The following DOCK1 variants were observed in gnomAD, a reference collection of about 807,000 sequenced individuals.
DOCK1 encodes dedicator of cytokinesis 1.
A neutral mutation model predicts 262.7 loss-of-function variants in DOCK1; 138 were observed. The observed-to-expected ratio is 0.53, with a 90% confidence interval of 0.46 to 0.61. The LOEUF (loss-of-function observed/expected upper bound fraction) is 0.61. Ranked by LOEUF, DOCK1 falls within the 20% of genes least tolerant of loss-of-function variation. DOCK1 has a pLI of 0.00. For synonymous variants in DOCK1, 866 were observed against 867.4 expected, an observed-to-expected ratio of 1.00 and a Z score of 0.03; for missense variants, 1,908 against 2,370.7, an observed-to-expected ratio of 0.80 and a Z score of 4.05.
intron 27 of DOCK1, among the ~76,000 whole-genome samples, chr10:127,235,361 C>T (rs913296761): frequency 4.1e-3 from 2 of 488 alleles, no homozygotes; most frequent in Non-Finnish European, 0.059. Context: ...TTTTCTAGAA[C>T]GACATTAAAA....
intron 23 of DOCK1, among the ~76,000 whole-genome samples, chr10:127,081,495 C>A (rs2046896349): frequency 1.3e-5 from 2 of 151,910 alleles, no homozygotes; most frequent in Non-Finnish European, 2.9e-5. Flanking sequence ...CCCCTCCTTA[C>A]ATGAAATCCA....
chr10:127,407,019 C>CTT (rs962967609), intron 40 of DOCK1, among the ~76,000 whole-genome samples: 1 of 145,984 alleles, frequency 6.9e-6, no homozygotes, highest in African/African-American at 2.5e-5. Context: ...TTCTGCTTGA[C>CTT]TTTTTTTTTT....
At chr10:126,929,996 C>T (rs1187357602) in intron 1 of DOCK1, among the ~76,000 whole-genome samples, 3 of 152,326 alleles carry the variant, frequency 2.0e-5, no homozygotes, top group Admixed American at 2.0e-4. Context: ...CTCCTGGCCA[C>T]CACCAAACTG....
At chr10:127,038,400 TCA>T (rs1399106640) in intron 19 of DOCK1, among the ~76,000 whole-genome samples, 1 of 152,192 alleles carries the variant, frequency 6.6e-6, no homozygotes, top group Non-Finnish European at 1.5e-5. Flanking sequence ...ACTACAGGAC[TCA>T]CAACAGTTCA....
intron 9 of DOCK1, 40 bp from the exon 10 acceptor site, chr10:127,000,113 TTGGAGCTTGCATTGAATAA>T: frequency 6.3e-7 from 1 of 1,587,360 alleles, no homozygotes; most frequent in East Asian, 2.2e-5. Context: ...GTCCTTTTCA[TTGGAGCTTGCATTGAATAA>T]TGGGTCTCCA....
intron 47 of DOCK1, among the ~76,000 whole-genome samples, chr10:127,429,864 G>C (rs926235503): frequency 6.6e-6 from 1 of 152,232 alleles, no homozygotes; most frequent in Non-Finnish European, 1.5e-5. Context: ...AGCCCACAGC[G>C]TGCAGGAGGC....
At chr10:127,136,144 GTGT>G (rs1378549438) in intron 27 of DOCK1, 9 of 152,254 alleles carry the variant, frequency 5.9e-5, no homozygotes, top group African/African-American at 1.9e-4. Flanking sequence ...TACAACTGCA[GTGT>G]TGTTTGGCCC....
chr10:127,240,740 A>G (rs2059236279), intron 27 of DOCK1, among the ~76,000 whole-genome samples: 1 of 152,148 alleles, frequency 6.6e-6, no homozygotes. Flanking sequence ...ATTTTGAGGT[A>G]GCTTTAAAGA....
intron 13 of DOCK1, among the ~76,000 whole-genome samples, chr10:127,021,974 G>A (rs1053968906): frequency 5.9e-5 from 9 of 152,146 alleles, no homozygotes; most frequent in African/African-American, 1.2e-4. Context: ...TGGTCAGGGC[G>A]TGGGAGGTGG....
At chr10:127,143,205 G>A (rs1014287009) in intron 27 of DOCK1, among the ~76,000 whole-genome samples, 3 of 152,218 alleles carry the variant, frequency 2.0e-5, no homozygotes, top group Non-Finnish European at 4.4e-5. Context: ...AGTCGTCCAT[G>A]TGTAACAGTT....
At chr10:127,393,586 G>A (rs76870843) in intron 38 of DOCK1, among the ~76,000 whole-genome samples, 3,073 of 152,158 alleles carry the variant, frequency 0.02, 125 homozygotes, top group African/African-American at 0.068. Flanking sequence ...GAGAGTGGGC[G>A]GGGGCAGGGA....
chr10:127,384,846 C>G lies in DOCK1; in HGVS notation c.3864C>G (p.Thr1288=), dbSNP rs1565046224. The change falls in exon 38 of 52, where the codon ACC becomes ACG. Residue 1288 remains threonine, a synonymous_variant. Coordinates refer to ENST00000623213, the MANE Select transcript of DOCK1 (RefSeq NM_001290223.2). Reference sequence around the variant, plus strand: ...CCCAGCGGGACGGGTACCAGGCCACCACGCAGGGACAGCTGAAGGAGCAGC... The same window carrying G: ...CCCAGCGGGACGGGTACCAGGCCACGACGCAGGGACAGCTGAAGGAGCAGC... ...HLTQRDGYQA[T]TQGQLKEQLY... is the part of the protein sequence containing the mutation. The G allele has an allele frequency of 6.2e-7, 1 of 1,609,570 alleles. No individual in the cohort carries two copies. Among genetic ancestry groups the G allele is most frequent in the Non-Finnish European group, 8.5e-7 (1 of 1,178,662 alleles).
intron 32 of DOCK1, among the ~76,000 whole-genome samples, chr10:127,358,842 T>G (rs955122581): frequency 1.3e-5 from 2 of 152,158 alleles, no homozygotes; most frequent in African/African-American, 4.8e-5. Context: ...AGAGATAATT[T>G]AAACACCCAC....
chr10:127,260,986 CGTGCTCATGTGTGTGTACCT>C (rs1564944239), intron 29 of DOCK1, among the ~76,000 whole-genome samples: 3 of 41,828 alleles, frequency 7.2e-5, no homozygotes, highest in Non-Finnish European at 1.5e-4. Flanking sequence ...TGTGTGTACC[CGTGCTCATGTGTGTGTACCT>C]GCATGTGTGT....
At chr10:126,908,968 A>G (rs2031355244) in intron 1 of DOCK1, among the ~76,000 whole-genome samples, 1 of 152,210 alleles carries the variant, frequency 6.6e-6, no homozygotes. Flanking sequence ...AGGCAGAATA[A>G]TGGTCCCCAA....
chr10:127,055,243 G>C (rs1260474668), intron 22 of DOCK1, among the ~76,000 whole-genome samples: 1 of 152,130 alleles, frequency 6.6e-6, no homozygotes, highest in African/African-American at 2.4e-5. Context: ...TCAGCGTCCT[G>C]ATGTCCTTGG....
In DOCK1 at chr10:127,000,286, C is replaced by A. The variant is rs771775279; in HGVS notation, c.964C>A (p.Arg322=). ...NNTRKLTSGL[R]RPFGVAVMDV... is the part of the protein sequence containing the mutation. ...CACCAGGAAACTGACCTCGGGGTTG[C>A]GGCGACCTTTTGGAGTGGCTGGTAA... Residue 322 remains arginine (R), a synonymous_variant, in exon 10 of 52, where the codon CGG becomes AGG. Coordinates refer to ENST00000623213, the MANE Select transcript of DOCK1 (RefSeq NM_001290223.2). 10 of 1,613,920 alleles carry A rather than the reference C, an allele frequency of 6.2e-6. No homozygotes were observed. The East Asian group carries it at 2.2e-4, about 36-fold the overall frequency.
At chr10:127,406,980 A>G (rs1305303688) in intron 40 of DOCK1, among the ~76,000 whole-genome samples, 1 of 151,572 alleles carries the variant, frequency 6.6e-6, no homozygotes. Flanking sequence ...AGTTGCTCAG[A>G]CTGTATTTAA....
chr10:127,207,306 C>T (rs1319461795), intron 27 of DOCK1, among the ~76,000 whole-genome samples: 1 of 152,162 alleles, frequency 6.6e-6, no homozygotes. Flanking sequence ...AAGTACAGGG[C>T]GGTCCCTAAA....
Sources: gnomAD v4.1 joint callset for allele counts (sites outside exome capture counted in the v4.1 genomes callset) on GRCh38, gnomAD v4.1.1 for gene constraint, MANE v1.5 for transcripts, NCBI Gene and HGNC (gene_info 2026-07-23, HGNC 2026-07-21) for gene names.